Variants in IKBKG observed in about 807,000 individuals in gnomAD.
IKBKG encodes the protein NF-kappa-B essential modulator.
A neutral mutation model predicts 13.7 loss-of-function variants in IKBKG; 2 were observed. The observed-to-expected ratio is 0.15, with a 90% CI of 0.06 to 0.46. The LOEUF (loss-of-function observed/expected upper bound fraction) is 0.46, where lower values mean the gene tolerates loss of function less well. Among genes scored for constraint, IKBKG ranks in the 20% least tolerant of loss-of-function variants. IKBKG has a pLI of 0.98. For missense variants in IKBKG, 53 were observed against 150.3 expected, an observed-to-expected ratio of 0.35 and a Z score of 3.39; for synonymous variants, 22 against 64.4, an observed-to-expected ratio of 0.34 and a Z score of 3.15.
At chrX:154,547,792 G>C in intron 1 of IKBKG, 47 bp downstream of exon 1, 5 of 754,979 alleles carry the variant, frequency 6.6e-6, no homozygotes, top group Non-Finnish European at 7.8e-6. Context: ...TGGGCGTTCC[G>C]CCGCCTCCGA....
chrX:154,544,218 G>C (rs1337338307), upstream of IKBKG, among the ~76,000 whole-genome samples: 6 of 107,366 alleles, frequency 5.6e-5, no homozygotes, highest in African/African-American at 2.1e-4. Flanking sequence ...CTGGAGTGCA[G>C]TGGCGCGATC....
At position 154,552,087 on chromosome X, in the gene IKBKG, G is replaced by A. The variant is rs1160400371; in HGVS notation, c.85G>A (p.Glu29Lys). The change falls in exon 2 of 10, where the codon GAA becomes AAA. Residue 29 changes from glutamate (E) to lysine (K), a missense_variant. Physicochemically the swap from Glu to Lys is moderately conservative, Grantham distance 56. This residue lies in a region of IKBKG where 47 missense variants were observed against 50.0 expected (regional missense o/e 0.94). Transcript: ENST00000594239. The part of the protein sequence containing the change: ...GPAADQDVLG[E>K]ESPLGKPAML... ...GGCAGCAGATCAGGACGTACTGGGC[G>A]AAGAGTCTCCTCTGGGGAAGCCAGC... 8.4e-7 allele frequency: 1 copy of A among 1,194,175 alleles called. No individual in the cohort carries two copies. The highest frequency in any genetic ancestry group is 1.1e-6 in the Non-Finnish European group (1 of 882,901).
At chrX:154,548,993 T>TC (rs2148361165) in intron 1 of IKBKG, among the ~76,000 whole-genome samples, 1 of 106,893 alleles carries the variant, frequency 9.4e-6, no homozygotes, top group Non-Finnish European at 1.9e-5. Context: ...TTTCTTTCTT[T>TC]CTTTTTTTTT....
At chrX:154,542,587 G>T (rs868973300), upstream of IKBKG, 71 of 850,096 alleles carry the variant, frequency 8.4e-5, no homozygotes, top group African/African-American at 1.4e-3. Flanking sequence ...GAGGTAAGCT[G>T]GCCAGGGAGG....
chrX:154,546,819 C>T, upstream of IKBKG: 1 of 1,162,665 alleles, frequency 8.6e-7, no homozygotes, highest in Admixed American at 2.5e-5. Context: ...CCTCCGCGCT[C>T]GCAGCCCCGA....
intron 2 of IKBKG, among the ~76,000 whole-genome samples, chrX:154,553,537 C>T (rs2070990830): frequency 1.8e-5 from 2 of 112,237 alleles, no homozygotes; most frequent in African/African-American, 6.5e-5. Context: ...TTGGTCTCCT[C>T]GACGGTGAGG....
chrX:154,548,992 T>C (rs2070844193), intron 1 of IKBKG, among the ~76,000 whole-genome samples: 1 of 107,609 alleles, frequency 9.3e-6, no homozygotes, highest in East Asian at 2.8e-4. Flanking sequence ...CTTTCTTTCT[T>C]TCTTTTTTTT....
At chrX:154,548,110 G>C (rs1215765319) in intron 1 of IKBKG, 15 of 752,254 alleles carry the variant, frequency 2.0e-5, no homozygotes, top group East Asian at 1.5e-4. Flanking sequence ...TCATATGCCT[G>C]TTTGCTCGTT....
At chrX:154,547,207 G>A, upstream of IKBKG, 1 of 454,457 alleles carries the variant, frequency 2.2e-6, no homozygotes, top group Non-Finnish European at 2.7e-6. Context: ...CTCGCGGAGG[G>A]CTCCACTTCC....
chrX:154,549,112 C>T (rs1027343706), intron 1 of IKBKG, among the ~76,000 whole-genome samples: 10 of 107,404 alleles, frequency 9.3e-5, no homozygotes, highest in Non-Finnish European at 1.5e-4. Context: ...CTGCCTCAGC[C>T]GCTGGGACTA....
At position 154,549,226 on chromosome X, in the gene IKBKG, C is replaced by T. The variant is rs782173931; in HGVS notation, c.-16+1481C>T. Among the ~76,000 whole-genome samples the T allele has an allele frequency of 1.1e-4, 12 of 109,768 alleles. No individual in the cohort carries two copies. In the East Asian group the frequency reaches 2.6e-3, roughly 24 times the overall value. On this transcript the variant is annotated intron_variant, in intron 1 of 9. Coordinates refer to ENST00000594239, the MANE Select transcript of IKBKG (RefSeq NM_001099857.5). ...TTGATCTCTTGACCTTGTCATCCGC[C>T]CGCCTCGGCCTCCCAAAGTGCTGGG...
upstream of IKBKG, among the ~76,000 whole-genome samples, chrX:154,545,366 G>C (rs181963696): frequency 4.5e-5 from 5 of 111,918 alleles, no homozygotes; most frequent in African/African-American, 1.6e-4. Flanking sequence ...AAGAGGCAGA[G>C]ATCAGGCCTC....
At position 154,542,198 on chromosome X, in the gene IKBKG, G is replaced by A. The variant is rs2070528319; in HGVS notation, c.-186-84G>A. On this transcript the variant is annotated intron_variant, in intron 1 of 10. Transcript: ENST00000422680. ...AAATGTTCTGAGGAAAGGGGAGGCG[G>A]GGGCCGCTGGGTCATCCCTCCCACA... 9.9e-6 allele frequency: 7 copies of A among 704,412 alleles called. No individual in the cohort carries two copies. In the East Asian group the frequency reaches 1.1e-4, roughly 11 times the overall value. 58.1% of individuals were successfully genotyped at this position (704,412 alleles called of 1,213,427 possible).
At chrX:154,542,548 G>T (rs2070545467), upstream of IKBKG, 1 of 1,037,743 alleles carries the variant, frequency 9.6e-7, no homozygotes, top group Non-Finnish European at 1.3e-6. Context: ...AGGGCCCCCA[G>T]GAAGGAAGCT....
At chrX:154,552,810 G>A (rs1430917929) in intron 2 of IKBKG, among the ~76,000 whole-genome samples, 2 of 112,279 alleles carry the variant, frequency 1.8e-5, no homozygotes, top group Non-Finnish European at 3.8e-5. Flanking sequence ...CCATCCGGGC[G>A]CCCCTCACCC....
upstream of IKBKG, chrX:154,545,868 G>C: frequency 1.9e-6 from 1 of 532,887 alleles, no homozygotes; most frequent in Non-Finnish European, 3.1e-6. Context: ...TCTTGCAAGT[G>C]CATATGCACA....
upstream of IKBKG, chrX:154,547,454 G>C (rs2070776414): frequency 1.6e-5 from 12 of 754,393 alleles, no homozygotes; most frequent in Non-Finnish European, 1.3e-5. Context: ...AGTGGCCGGC[G>C]TGCTTATCAT....
chrX:154,541,774 C>T (rs781810568), intron 1 of IKBKG, among the ~76,000 whole-genome samples: 44 of 112,746 alleles, frequency 3.9e-4, no homozygotes, highest in Non-Finnish European at 6.8e-4. Flanking sequence ...TAGCCACCAA[C>T]ATCTGGCTAG....
At chrX:154,546,904 T>G, upstream of IKBKG, 2 of 827,683 alleles carry the variant, frequency 2.4e-6, no homozygotes, top group Non-Finnish European at 1.6e-6. Context: ...GCGCCTGGGC[T>G]GAGCGGACCC....
Sources: allele counts gnomAD v4.1 joint callset (sites outside exome capture counted in the v4.1 genomes callset), GRCh38; gene constraint gnomAD v4.1.1; regional missense constraint gnomAD v4.1.1; transcripts MANE v1.5; gene names NCBI Gene and HGNC (gene_info 2026-07-23, HGNC 2026-07-21).